NCAM1: variants seen among roughly 807,000 people sequenced by gnomAD.
NCAM1 encodes the protein antigen recognized by monoclonal antibody 5.1H11.
A neutral mutation model predicts 109.8 loss-of-function variants in NCAM1; 14 were observed. That is an observed-to-expected ratio of 0.13 (90% confidence interval 0.08 to 0.20). The LOEUF (loss-of-function observed/expected upper bound fraction) is 0.20. Among genes scored for constraint, NCAM1 ranks in the 10% least tolerant of loss-of-function variants. The pLI is 1.00. For missense variants in NCAM1, 774 were observed against 1,109.9 expected (o/e 0.70, Z 4.30); for synonymous variants, 418 against 442.9 (o/e 0.94, Z 0.70).
intron 1 of NCAM1, among the ~76,000 whole-genome samples, chr11:113,122,574 G>A (rs1286020121): frequency 6.6e-6 from 1 of 152,050 alleles, no homozygotes; most frequent in Non-Finnish European, 1.5e-5. Context: ...ACCTGAGGTC[G>A]GGAGTTTGAG....
At chr11:113,240,935 C>A in intron 14 of NCAM1, 1 of 1,244,670 alleles carries the variant, frequency 8.0e-7, no homozygotes, top group Non-Finnish European at 1.2e-6. Context: ...TAATTCAACT[C>A]AGTTGGTGGA....
intron 5 of NCAM1, 39 bp from the exon 6 acceptor site, chr11:113,207,222 A>G (rs1236159378): frequency 5.1e-6 from 8 of 1,575,528 alleles, no homozygotes; most frequent in Non-Finnish European, 6.1e-6. Flanking sequence ...GTTCTTCCAA[A>G]TTTTCACAAC....
chr11:113,172,255 ACTT>A (rs1943018190), intron 1 of NCAM1, among the ~76,000 whole-genome samples: 1 of 152,174 alleles, frequency 6.6e-6, no homozygotes, highest in Non-Finnish European at 1.5e-5. Flanking sequence ...GGGTGGTGGT[ACTT>A]CTTCCAAGCT....
intron 1 of NCAM1, among the ~76,000 whole-genome samples, chr11:113,159,787 T>C (rs1591375316): frequency 6.6e-6 from 1 of 151,746 alleles, no homozygotes; most frequent in Admixed American, 6.6e-5. Context: ...ACGTGTGCCA[T>C]GTTGGTGTGC....
chr11:113,054,590 G>A (rs535971583), intron 1 of NCAM1, among the ~76,000 whole-genome samples: 94 of 152,260 alleles, frequency 6.2e-4, no homozygotes, highest in African/African-American at 2.2e-3. Context: ...CTTATTCCCC[G>A]ATACAGAACT....
At position 113,025,948 on chromosome 11, in the gene NCAM1, G is replaced by A. The variant is rs149416139; in HGVS notation, c.52+64284G>A. Among the ~76,000 whole-genome samples, 505 of 152,188 alleles carry A rather than the reference G, an allele frequency of 3.3e-3. 2 individuals are homozygous for A. The highest frequency in any genetic ancestry group is 0.01 in the Middle Eastern group (3 of 294). ...CCACCACACTATACATCTTGATGTA[G>A]TTTGCATATATTTTTAAAGTGGGTT... On this transcript the variant is annotated intron_variant, in intron 1 of 19. Coordinates refer to ENST00000316851, the MANE Select transcript of NCAM1 (RefSeq NM_181351.5).
At chr11:113,264,089 GTAA>G (rs1380925788) in intron 17 of NCAM1, 2 of 985,202 alleles carry the variant, frequency 2.0e-6, no homozygotes, top group Non-Finnish European at 2.4e-6. Flanking sequence ...ATCCTGCTTG[GTAA>G]TATCAGTGTG....
intron 1 of NCAM1, among the ~76,000 whole-genome samples, chr11:113,195,022 C>G (rs1367125766): frequency 1.3e-5 from 2 of 152,170 alleles, no homozygotes; most frequent in African/African-American, 4.8e-5. Context: ...CTGTTGTGAG[C>G]CAGCTTTAAG....
chr11:113,019,325 G>T (rs1952313019), intron 1 of NCAM1, among the ~76,000 whole-genome samples: 1 of 152,188 alleles, frequency 6.6e-6, no homozygotes, highest in African/African-American at 2.4e-5. Flanking sequence ...TAAACTCTCT[G>T]CAGGCATTTA....
At chr11:113,110,305 AT>A (rs1305630579) in intron 1 of NCAM1, among the ~76,000 whole-genome samples, 6 of 152,268 alleles carry the variant, frequency 3.9e-5, no homozygotes, top group African/African-American at 1.4e-4. Flanking sequence ...GGTGGATCAT[AT>A]TTGTTTTTTC....
rs904998869 is a variant in NCAM1 at position 113,204,392 on chromosome 11, C to T, written c.234C>T (p.Ser78=). 1.9e-6 allele frequency: 3 copies of T among 1,614,004 alleles called. No individual in the cohort carries two copies. In the Admixed American group the frequency reaches 5.0e-5, roughly 27 times the overall value. The change falls in exon 3 of 20, where the codon TCC becomes TCT. Residue 78 remains serine (S), a synonymous_variant. Coordinates refer to ENST00000316851, the MANE Select transcript of NCAM1 (RefSeq NM_181351.5). The part of the protein sequence containing the change: ...RISVVWNDDS[S]STLTIYNANI... The stretch of plus-strand genomic sequence containing the variant: ...CAGTGGTGTGGAATGATGATTCCTC[C>T]TCCACCCTCACCATCTATAACGCCA...
At chr11:113,271,369 C>CAAAAAAAAAAAAAAA (rs71060298) in intron 18 of NCAM1, among the ~76,000 whole-genome samples, 1 of 66,874 alleles carries the variant, frequency 1.5e-5, no homozygotes, top group African/African-American at 6.5e-5. Context: ...GACTCTGTCT[C>CAAAAAAAAAAAAAAA]AAAAAAAAAA....
intron 1 of NCAM1, among the ~76,000 whole-genome samples, chr11:113,129,790 T>G (rs1358059614): frequency 6.6e-6 from 1 of 152,176 alleles, no homozygotes; most frequent in Non-Finnish European, 1.5e-5. Flanking sequence ...AAGATATGTG[T>G]TCAGTGACAA....
At chr11:113,159,702 C>CT (rs1202527229) in intron 1 of NCAM1, among the ~76,000 whole-genome samples, 1 of 151,678 alleles carries the variant, frequency 6.6e-6, no homozygotes, top group Non-Finnish European at 1.5e-5. Context: ...TACAGTGATT[C>CT]TTTTTTTGTT....
chr11:113,208,451 C>T (rs782460970), intron 7 of NCAM1, among the ~76,000 whole-genome samples: 2 of 152,184 alleles, frequency 1.3e-5, no homozygotes, highest in Middle Eastern at 3.4e-3. Flanking sequence ...TTCTTCATGT[C>T]CCTCAGACAT....
intron 15 of NCAM1, among the ~76,000 whole-genome samples, chr11:113,250,207 C>T (rs1450274227): frequency 6.6e-6 from 1 of 152,206 alleles, no homozygotes; most frequent in Non-Finnish European, 1.5e-5. Context: ...GGCTGTTCTT[C>T]GGGACTGTCC....
At chr11:113,249,054 C>T (rs560303234) in intron 15 of NCAM1, among the ~76,000 whole-genome samples, 1 of 152,324 alleles carries the variant, frequency 6.6e-6, no homozygotes, top group East Asian at 1.9e-4. Flanking sequence ...CTGCACCCCT[C>T]TGTCCATGTG....
chr11:113,024,469 C>G (rs1025662812), intron 1 of NCAM1, among the ~76,000 whole-genome samples: 1 of 152,084 alleles, frequency 6.6e-6, no homozygotes, highest in African/African-American at 2.4e-5. Flanking sequence ...TTGCTTATCT[C>G]TAGTATTTTA....
chr11:113,039,935 G>A (rs1953015372), intron 1 of NCAM1, among the ~76,000 whole-genome samples: 1 of 152,170 alleles, frequency 6.6e-6, no homozygotes, highest in Non-Finnish European at 1.5e-5. Context: ...GAGGTCAGGA[G>A]TTCGAGACCA....
Sources: allele counts gnomAD v4.1 joint callset (sites outside exome capture counted in the v4.1 genomes callset), GRCh38; gene constraint gnomAD v4.1.1; transcripts MANE v1.5; gene names NCBI Gene and HGNC (gene_info 2026-07-23, HGNC 2026-07-21).